ZEB2: variants seen among roughly 807,000 people sequenced by gnomAD.
The protein encoded by ZEB2 is zinc finger E-box-binding homeobox 2.
A neutral mutation model predicts 99.9 loss-of-function variants in ZEB2; 6 were observed. That is an observed-to-expected ratio of 0.06 (90% CI 0.03 to 0.12). ZEB2 has a LOEUF of 0.12. Ranked by LOEUF, ZEB2 falls within the 10% of genes least tolerant of loss-of-function variation. ZEB2 has a pLI of 1.00. For synonymous variants in ZEB2, 517 were observed against 542.5 expected (o/e 0.95, Z 0.65); for missense variants, 969 against 1,502.8 (o/e 0.64, Z 5.87).
At chr2:144,396,297 T>C (rs1703228596) in intron 9 of ZEB2, 115 bp downstream of exon 9, 1 of 1,340,596 alleles carries the variant, frequency 7.5e-7, no homozygotes, top group Non-Finnish European at 1.1e-6. Context: ...TATTTCTTCC[T>C]TGTTGAAGGT....
chr2:144,404,214 G>A, intron 5 of ZEB2, 84 bp from the exon 6 acceptor site: 1 of 1,451,240 alleles, frequency 6.9e-7, no homozygotes. Context: ...TGCCCGGGAT[G>A]GTATGACAGG....
At chr2:144,466,165 G>T (rs17677601) in intron 2 of ZEB2, among the ~76,000 whole-genome samples, 21,700 of 152,228 alleles carry the variant, frequency 0.14, 1,947 homozygotes, top group South Asian at 0.35. Context: ...CAACATGTCA[G>T]ATAGCAAAAT....
At chr2:144,497,826 TCAACATATATATATATATGTC>T in intron 2 of ZEB2, 2 of 121,956 alleles carry the variant, frequency 1.6e-5, no homozygotes, top group African/African-American at 3.8e-5. Context: ...ACTGTCATTC[TCAACATATATATATATATGTC>T]ATTCTCAACA....
chr2:144,425,070 A>G (rs1703673987), intron 3 of ZEB2: 2 of 582,452 alleles, frequency 3.4e-6, no homozygotes, highest in Admixed American at 5.9e-5. Context: ...TTTAAGCATT[A>G]CTGCAAGCTG....
chr2:144,449,868 T>C (rs1435094908), intron 2 of ZEB2: 1 of 152,226 alleles, frequency 6.6e-6, no homozygotes, highest in Non-Finnish European at 1.5e-5. Context: ...CTTAGTACAG[T>C]ATAGGACTCA....
Position 144,398,532 on chromosome 2 carries a change from G to A in ZEB2, c.2655C>T (p.Ser885=). ...LDNKSTNPVF[S]MNPFSAKPLY... Reference sequence around the variant, plus strand: ...AAGGTTTGGCACTAAATGGGTTCATGCTGAACACTGGGTTAGTGCTTTTGT... The same window carrying A: ...AAGGTTTGGCACTAAATGGGTTCATACTGAACACTGGGTTAGTGCTTTTGT... Residue 885 remains serine (S), a synonymous_variant, in exon 8 of 10, where the codon AGC becomes AGT. Coordinates refer to ENST00000627532, the MANE Select transcript of ZEB2 (RefSeq NM_014795.4). 1 of 1,614,144 alleles carries A rather than the reference G, an allele frequency of 6.2e-7. No individual in the cohort carries two copies. Among genetic ancestry groups the A allele is most frequent in the African/African-American group, 1.3e-5 (1 of 75,066 alleles).
chr2:144,426,278 T>C (rs1290642333), intron 3 of ZEB2, among the ~76,000 whole-genome samples: 2 of 152,320 alleles, frequency 1.3e-5, no homozygotes, highest in African/African-American at 4.8e-5. Flanking sequence ...TTGTCAATTG[T>C]AATCATTGAT....
chr2:144,464,854 A>G, intron 2 of ZEB2, among the ~76,000 whole-genome samples: 1 of 152,220 alleles, frequency 6.6e-6, no homozygotes, highest in South Asian at 2.1e-4. Flanking sequence ...CTTCTACCTC[A>G]AACATGACAT....
chr2:144,470,949 T>C (rs1165094284), intron 2 of ZEB2, among the ~76,000 whole-genome samples: 1 of 152,150 alleles, frequency 6.6e-6, no homozygotes, highest in Non-Finnish European at 1.5e-5. Flanking sequence ...ATCATCATGT[T>C]TTTTCAAGTG....
intron 4 of ZEB2, among the ~76,000 whole-genome samples, chr2:144,410,594 T>C (rs558724508): frequency 2.6e-4 from 40 of 152,284 alleles, no homozygotes; most frequent in African/African-American, 9.1e-4. Context: ...CTTTGCTTAG[T>C]GTTTACAGGT....
At chr2:144,404,229 A>T in intron 5 of ZEB2, 99 bp from the exon 6 acceptor site, 1 of 1,323,574 alleles carries the variant, frequency 7.6e-7, no homozygotes, top group Non-Finnish European at 1.1e-6. Flanking sequence ...GACAGGAATC[A>T]CTGCAATCTG....
chr2:144,412,196 G>A (rs1573728744), intron 4 of ZEB2, among the ~76,000 whole-genome samples: 1 of 152,176 alleles, frequency 6.6e-6, no homozygotes, highest in Admixed American at 6.5e-5. Context: ...TTGAACCTGG[G>A]AGGCGGAGGT....
At chr2:144,464,251 A>G (rs1162843465) in intron 2 of ZEB2, 1 of 152,186 alleles carries the variant, frequency 6.6e-6, no homozygotes, top group Non-Finnish European at 1.5e-5. Flanking sequence ...AGACACTTAT[A>G]TCCCAAATTA....
At chr2:144,497,965 A>T (rs1365628706) in intron 2 of ZEB2, among the ~76,000 whole-genome samples, 8 of 2,066 alleles carry the variant, frequency 3.9e-3, no homozygotes, top group East Asian at 0.05. Context: ...ATATATATTA[A>T]TATTATATAT....
Position 144,396,553 on chromosome 2 carries a change from G to C in ZEB2, c.2926C>G (p.Leu976Val). ...GAGTCGGAGTCTGTCATATCATCTA[G>C]GCCTGACATGTAGTCTTGTGCTCCA... ...LDGAQDYMSGLDDMTDSDSCL... is the reference protein window; with the variant it reads ...LDGAQDYMSGVDDMTDSDSCL... The change falls in exon 9 of 10, where the codon CTA (leucine) becomes GTA (valine). Residue 976 changes from leucine (L) to valine (V), a missense_variant. Physicochemically the swap from Leu to Val is conservative, Grantham distance 32. Coordinates refer to ENST00000627532, the MANE Select transcript of ZEB2 (RefSeq NM_014795.4). 1 of 1,613,952 alleles carries C rather than the reference G, an allele frequency of 6.2e-7. No homozygotes were observed. Among genetic ancestry groups the C allele is most frequent in the South Asian group, 1.1e-5 (1 of 91,086 alleles).
At chr2:144,446,907 T>C (rs1381238433) in intron 2 of ZEB2, among the ~76,000 whole-genome samples, 1 of 149,748 alleles carries the variant, frequency 6.7e-6, no homozygotes, top group Non-Finnish European at 1.5e-5. Flanking sequence ...TCCCAACTAC[T>C]GGGGAGGCTG....
chr2:144,399,189 G>A lies in ZEB2; in HGVS notation c.1998C>T (p.Asn666=), dbSNP rs1560606650. The A allele has an allele frequency of 1.2e-6, 2 of 1,614,182 alleles. No homozygotes were observed. The highest frequency in any genetic ancestry group is 1.7e-6 in the Non-Finnish European group (2 of 1,180,016). Residue 666 remains asparagine, a synonymous_variant, in exon 8 of 10, where the codon AAC becomes AAT. Coordinates refer to ENST00000627532, the MANE Select transcript of ZEB2 (RefSeq NM_014795.4). The surrounding 1 kb of genome is among the most constrained non-coding windows in gnomAD (Gnocchi z 5.6). ...GCAGTTCATCGGAGTTGGGCTCCAT[G>A]TTCATAGCATAGTATGCTTTGAGTA... ...MSVLKAYYAM[N]MEPNSDELLK... is the part of the protein sequence containing the mutation.
chr2:144,404,115 G>T lies in ZEB2; in HGVS notation c.608C>A (p.Thr203Asn), dbSNP rs1460080950. The T allele has an allele frequency of 6.2e-7, 1 of 1,614,106 alleles. No homozygotes were observed. The highest frequency in any genetic ancestry group is 1.7e-5 in the Admixed American group (1 of 60,022). ...GQEENDLPPG[T>N]PDAFAQLLTC... is the part of the protein sequence containing the mutation. ...CAGCAGTTGGGCAAAAGCATCTGGA[G>T]TTCCAGGTGGCAGGTCTGTAGCCGA... Residue 203 changes from threonine to asparagine, a missense_variant, in exon 6 of 10, where the codon ACT (threonine) becomes AAT (asparagine). Thr to Asn is a moderately conservative substitution (Grantham distance 65). Coordinates refer to ENST00000627532, the MANE Select transcript of ZEB2 (RefSeq NM_014795.4).
chr2:144,485,532 T>C (rs554039302), intron 2 of ZEB2, among the ~76,000 whole-genome samples: 3 of 152,238 alleles, frequency 2.0e-5, no homozygotes, highest in South Asian at 4.2e-4. Flanking sequence ...AACTAAGGAG[T>C]TGGGGAGTTA....
Sources: gnomAD v4.1 joint callset for allele counts (sites outside exome capture counted in the v4.1 genomes callset) on GRCh38, gnomAD v4.1.1 for gene constraint, Gnocchi (gnomAD v3.1) non-coding constraint, MANE v1.5 for transcripts, NCBI Gene and HGNC (gene_info 2026-07-23, HGNC 2026-07-21) for gene names.